CARM1: variants seen among roughly 807,000 people sequenced by gnomAD.
CARM1 encodes the protein coactivator associated arginine methyltransferase 1.
A neutral mutation model predicts 72.7 loss-of-function variants in CARM1; 14 were observed. The observed-to-expected ratio is 0.19, with a 90% CI of 0.13 to 0.30. CARM1 has a LOEUF of 0.30. Ranked by LOEUF, CARM1 falls within the 10% of genes least tolerant of loss-of-function variation. The pLI is 1.00. For synonymous variants in CARM1, 333 were observed against 345.5 expected (o/e 0.96, Z 0.40); for missense variants, 432 against 833.7 (o/e 0.52, Z 5.93).
At chr19:10,882,248 G>A (rs1020079477) in intron 1 of CARM1, among the ~76,000 whole-genome samples, 3 of 152,216 alleles carry the variant, frequency 2.0e-5, no homozygotes, top group African/African-American at 7.2e-5. Flanking sequence ...GAACTTGTGG[G>A]CCTGGCATGG....
rs3745676 is a variant in CARM1 at position 10,908,867 on chromosome 19, G to A, written c.454-236G>A. 14,925 of 417,164 alleles carry A rather than the reference G, an allele frequency of 0.036. 1,616 individuals carry two copies. In the East Asian group the frequency reaches 0.37, roughly 10 times the overall value. 25.8% of individuals were successfully genotyped at this position (417,164 alleles called of 1,614,324 possible). On this transcript the variant is annotated intron_variant, in intron 3 of 15. Transcript: ENST00000327064. ...TCTCCTGGGCGGCTTCCAGGTCCAGGCGGCATCAGCTGTTGCCATCGGCTG... is the reference window on the plus strand; with the variant it reads ...TCTCCTGGGCGGCTTCCAGGTCCAGACGGCATCAGCTGTTGCCATCGGCTG...
chr19:10,872,102 G>C (rs908880545), intron 1 of CARM1, among the ~76,000 whole-genome samples, 180 bp downstream of exon 1: 3 of 152,054 alleles, frequency 2.0e-5, no homozygotes, highest in Admixed American at 2.0e-4. Flanking sequence ...ACAGAGAAAA[G>C]AGGGCGTGCG....
chr19:10,920,974 C>T lies in CARM1; in HGVS notation c.1537+28C>T. 6.2e-7 allele frequency: 1 copy of T among 1,613,034 alleles called. No individual in the cohort carries two copies. Among genetic ancestry groups the T allele is most frequent in the Non-Finnish European group, 8.5e-7 (1 of 1,178,998 alleles). On this transcript the variant is annotated intron_variant, in intron 13 of 15. Transcript: ENST00000327064. The surrounding 1 kb of genome is among the most constrained non-coding windows in gnomAD (Gnocchi z 5.3). Reference sequence around the variant, plus strand: ...GAGCAGGGCCCACCCCAATGCCCAGCCAACCCGGGAGGCCGCCCTCGCCGC... The same window carrying T: ...GAGCAGGGCCCACCCCAATGCCCAGTCAACCCGGGAGGCCGCCCTCGCCGC...
At chr19:10,873,200 T>C (rs2073833626) in intron 1 of CARM1, among the ~76,000 whole-genome samples, 1 of 152,112 alleles carries the variant, frequency 6.6e-6, no homozygotes. Context: ...GTAGCCAACT[T>C]TGTCCTGAAC....
chr19:10,882,872 C>T (rs896806844), intron 1 of CARM1, among the ~76,000 whole-genome samples: 37 of 152,060 alleles, frequency 2.4e-4, no homozygotes, highest in African/African-American at 8.5e-4. Flanking sequence ...AGAAGGCAGA[C>T]AGAGAACCCC....
At chr19:10,909,317 G>A in intron 4 of CARM1, 110 bp downstream of exon 4, 1 of 711,814 alleles carries the variant, frequency 1.4e-6, no homozygotes, top group Non-Finnish European at 2.4e-6. Flanking sequence ...ATTTATCTCA[G>A]TTACTGCAGA....
chr19:10,900,070 G>A (rs1425730213), intron 1 of CARM1, among the ~76,000 whole-genome samples: 1 of 152,050 alleles, frequency 6.6e-6, no homozygotes, highest in Admixed American at 6.6e-5. Flanking sequence ...GCACTTTGGA[G>A]GCCAAGGTGA....
At chr19:10,901,063 C>T (rs2074060681) in intron 1 of CARM1, among the ~76,000 whole-genome samples, 1 of 150,816 alleles carries the variant, frequency 6.6e-6, no homozygotes, top group South Asian at 2.1e-4. Flanking sequence ...CTCACTGCAA[C>T]CTCCACCTCC....
At chr19:10,881,934 C>T (rs576402312) in intron 1 of CARM1, among the ~76,000 whole-genome samples, 1 of 151,728 alleles carries the variant, frequency 6.6e-6, no homozygotes, top group Non-Finnish European at 1.5e-5. Flanking sequence ...GTCTGAGGAG[C>T]GCTAAATCAG....
chr19:10,917,442 A>G (rs963751991), intron 8 of CARM1, among the ~76,000 whole-genome samples: 2 of 151,940 alleles, frequency 1.3e-5, no homozygotes, highest in Non-Finnish European at 2.9e-5. Context: ...GCACCACTGC[A>G]CTCCAGCCTG....
intron 2 of CARM1, among the ~76,000 whole-genome samples, chr19:10,905,925 G>A (rs1375367565): frequency 1.3e-5 from 2 of 149,652 alleles, no homozygotes; most frequent in Non-Finnish European, 3.0e-5. Context: ...ACAGATGTGA[G>A]CCACCGTGCC....
At chr19:10,918,635 C>T (rs1381194459) in intron 8 of CARM1, among the ~76,000 whole-genome samples, 1 of 152,148 alleles carries the variant, frequency 6.6e-6, no homozygotes, top group African/African-American at 2.4e-5. Context: ...GCACCGCCCA[C>T]CTTGCCCTCC....
At chr19:10,887,341 T>C (rs768108298) in intron 1 of CARM1, among the ~76,000 whole-genome samples, 8 of 152,248 alleles carry the variant, frequency 5.3e-5, no homozygotes, top group Non-Finnish European at 8.8e-5. Flanking sequence ...TCCTGCCGTG[T>C]GCCTGATTTC....
intron 6 of CARM1, among the ~76,000 whole-genome samples, chr19:10,914,883 G>A (rs1292179076): frequency 1.3e-5 from 2 of 152,220 alleles, no homozygotes; most frequent in African/African-American, 4.8e-5. Context: ...TTGCCCATCT[G>A]TCTTGGGGTC....
At chr19:10,897,797 G>C (rs1320239800) in intron 1 of CARM1, among the ~76,000 whole-genome samples, 1 of 152,142 alleles carries the variant, frequency 6.6e-6, no homozygotes, top group East Asian at 1.9e-4. Flanking sequence ...AGATCAGCCT[G>C]GTCAACGAGG....
chr19:10,872,367 T>A (rs926987841), intron 1 of CARM1, among the ~76,000 whole-genome samples: 1 of 152,054 alleles, frequency 6.6e-6, no homozygotes, highest in African/African-American at 2.4e-5. Flanking sequence ...CCGGGATCCC[T>A]CTGGGGACCC....
chr19:10,890,276 T>G (rs892866313), intron 1 of CARM1, among the ~76,000 whole-genome samples: 5 of 150,882 alleles, frequency 3.3e-5, no homozygotes, highest in African/African-American at 7.3e-5. Context: ...TTTGTTTTTT[T>G]TTTTTTTTGA....
rs988225112 is a variant in CARM1, at chr19:10,885,999, G to A, written c.220+14077G>A. Among the ~76,000 whole-genome samples the A allele has an allele frequency of 1.5e-4, 21 of 144,238 alleles. 1 individual carries two copies. Among genetic ancestry groups the A allele is most frequent in the Admixed American group, 5.7e-4 (8 of 14,020 alleles). The allele number at this position is 144,238 out of a possible 152,430, so 94.6% of individuals were successfully genotyped here. On this transcript the variant is annotated intron_variant, in intron 1 of 15. Transcript: ENST00000327064. ...GTTCATGCTCCTGCCTCAGCCTCCC[G>A]AGTAGCTGGGACGGCAGGTGGCCCC... is the stretch of plus-strand genomic sequence containing the variant.
At position 10,905,048 on chromosome 19, in the gene CARM1, C is replaced by T. The variant is rs183515178; in HGVS notation, c.318C>T (p.Ser106=). The change falls in exon 2 of 16, where the codon AGC becomes AGT. Residue 106 remains serine, a synonymous_variant. Transcript: ENST00000327064. The part of the protein sequence containing the change: ...QSFIITLGCN[S]VLIQFATPND... ...TCATCATCACCCTGGGCTGCAACAG[C>T]GTCCTCATCCAGTTCGCCACACCCA... is the stretch of plus-strand genomic sequence containing the variant. 21 of 1,614,110 alleles carry T rather than the reference C, an allele frequency of 1.3e-5. No homozygotes were observed. The highest frequency in any genetic ancestry group is 4.5e-5 in the East Asian group (2 of 44,882).
Sources: allele counts gnomAD v4.1 joint callset (sites outside exome capture counted in the v4.1 genomes callset), GRCh38; gene constraint gnomAD v4.1.1; non-coding constraint Gnocchi (gnomAD v3.1); transcripts MANE v1.5; gene names NCBI Gene and HGNC (gene_info 2026-07-23, HGNC 2026-07-21).